MB21D2: variants seen among roughly 807,000 people sequenced by gnomAD.
The protein encoded by MB21D2 is Mab-21 domain containing 2, also known as nucleotidyltransferase MB21D2.
In MB21D2, 9 loss-of-function variants were observed where a neutral mutation model predicts 33.3. That is an observed-to-expected ratio of 0.27 (90% confidence interval 0.16 to 0.47). MB21D2 has a LOEUF of 0.47. Ranked by LOEUF, MB21D2 falls within the 20% of genes least tolerant of loss-of-function variation. The pLI, the probability that MB21D2 is intolerant of heterozygous loss-of-function variation, is 0.99. For synonymous variants in MB21D2, 241 were observed against 236.3 expected (o/e 1.02, Z -0.18); for missense variants, 540 against 624.6 (o/e 0.86, Z 1.44).
chr3:192,813,605 T>A (rs1711839094), intron 1 of MB21D2, among the ~76,000 whole-genome samples: 1 of 152,176 alleles, frequency 6.6e-6, no homozygotes, highest in Admixed American at 6.5e-5. Context: ...AATTACTTGA[T>A]GAACAGCTCT....
intron 1 of MB21D2, 114 bp downstream of exon 1, chr3:192,917,516 C>T: frequency 1.8e-6 from 2 of 1,082,678 alleles, no homozygotes; most frequent in South Asian, 1.5e-5. Flanking sequence ...CCCAAGGCAC[C>T]GGCTCGGGAA....
chr3:192,828,593 TATATATA>T (rs1712232870), intron 1 of MB21D2, among the ~76,000 whole-genome samples: 3 of 13,700 alleles, frequency 2.2e-4, no homozygotes, highest in Non-Finnish European at 9.4e-4. Context: ...ACCCCCCCCA[TATATATA>T]TATATATATA....
chr3:192,798,230 A>T lies in MB21D2; in HGVS notation c.*156T>A. 1 of 750,234 alleles carries T rather than the reference A, an allele frequency of 1.3e-6. No homozygotes were observed. Among genetic ancestry groups the T allele is most frequent in the Non-Finnish European group, 2.1e-6 (1 of 471,622 alleles). 46.5% of individuals were successfully genotyped at this position (750,234 alleles called of 1,614,324 possible). A position where few individuals can be genotyped will look rare whatever the true frequency, so the allele number is the denominator to read the frequency against. On this transcript the variant is annotated 3_prime_UTR_variant, in exon 2 of 2. Coordinates refer to ENST00000392452, the MANE Select transcript of MB21D2 (RefSeq NM_178496.4). The surrounding 1 kb of genome is among the most constrained non-coding windows in gnomAD (Gnocchi z 4.8). ...ATATGAAATAGTAATATACTGTTTC[A>T]GAGCCTGCACCATCCTGCAGAACCA...
chr3:192,823,664 C>A (rs140048534), intron 1 of MB21D2, among the ~76,000 whole-genome samples: 1,544 of 152,034 alleles, frequency 0.01, 15 homozygotes, highest in Non-Finnish European at 0.018. Context: ...TAAAAAAAAA[C>A]ACCCTTCTCC....
intron 1 of MB21D2, among the ~76,000 whole-genome samples, chr3:192,843,529 C>T (rs1712616845): frequency 6.6e-6 from 1 of 152,030 alleles, no homozygotes. Flanking sequence ...GAGGTAGGGA[C>T]ATTTGCTCAT....
intron 1 of MB21D2, among the ~76,000 whole-genome samples, chr3:192,864,566 G>A (rs1713126099): frequency 6.6e-6 from 1 of 152,100 alleles, no homozygotes; most frequent in Admixed American, 6.6e-5. Context: ...AAGTGCAATG[G>A]CACAATCTTG....
chr3:192,840,184 A>G (rs1373081816), intron 1 of MB21D2, among the ~76,000 whole-genome samples: 1 of 152,212 alleles, frequency 6.6e-6, no homozygotes, highest in African/African-American at 2.4e-5. Context: ...CATGAGAGGG[A>G]ACACAAAAAT....
chr3:192,867,601 A>C (rs1295948862), intron 1 of MB21D2, among the ~76,000 whole-genome samples: 1 of 152,150 alleles, frequency 6.6e-6, no homozygotes, highest in Non-Finnish European at 1.5e-5. Context: ...CTCAGGCCTC[A>C]AGTTTTTCAT....
chr3:192,817,979 C>T (rs1711963942), intron 1 of MB21D2, among the ~76,000 whole-genome samples: 1 of 150,020 alleles, frequency 6.7e-6, no homozygotes, highest in Non-Finnish European at 1.5e-5. Context: ...TATGCTAGTC[C>T]CCCAAATATG....
At chr3:192,903,606 C>T (rs529978849) in intron 1 of MB21D2, among the ~76,000 whole-genome samples, 23 of 152,274 alleles carry the variant, frequency 1.5e-4, no homozygotes, top group African/African-American at 4.8e-4. Flanking sequence ...GATTTCTCAT[C>T]AGTAAAATAA....
rs57320648 is a variant in MB21D2 at position 192,870,699 on chromosome 3, G to GA, written c.211+46930dup. 4.1e-3 allele frequency among the ~76,000 whole-genome samples: 170 copies of GA among 41,594 alleles called. 1 individual carries two copies. Among genetic ancestry groups the GA allele is most frequent in the Middle Eastern group, 0.091 (2 of 22 alleles). The allele number at this position is 41,594 out of a possible 152,430, so 27.3% of individuals were successfully genotyped here. ...GCACTCCAGCCTGGGCGACTCCGTT[G>GA]AAAAAAAAAAAAAAAAAAAAGGAAG... On this transcript the variant is annotated intron_variant, in intron 1 of 1. Coordinates refer to ENST00000392452, the MANE Select transcript of MB21D2 (RefSeq NM_178496.4).
At chr3:192,830,902 T>C (rs1326586646) in intron 1 of MB21D2, among the ~76,000 whole-genome samples, 1 of 152,210 alleles carries the variant, frequency 6.6e-6, no homozygotes, top group Non-Finnish European at 1.5e-5. Flanking sequence ...TTTCCATGTA[T>C]TCAATTTAAG....
intron 1 of MB21D2, among the ~76,000 whole-genome samples, chr3:192,883,455 T>C (rs1178122808): frequency 1.3e-5 from 2 of 152,036 alleles, no homozygotes; most frequent in Non-Finnish European, 2.9e-5. Context: ...AGGTTAAAAA[T>C]GGTAGTGTGG....
intron 1 of MB21D2, among the ~76,000 whole-genome samples, chr3:192,871,407 A>T (rs1459919785): frequency 1.3e-5 from 2 of 152,222 alleles, no homozygotes; most frequent in Non-Finnish European, 2.9e-5. Context: ...TTGAGCATTT[A>T]CTGTTTACCC....
Position 192,823,096 on chromosome 3 carries a change from G to A in MB21D2, c.212-23446C>T, listed in dbSNP as rs534957769. Reference sequence around the variant, plus strand: ...TAAGCCAGTATAATATTCATTTAAAGTTAAATCTACCTTTTAAATACACAT... The same window carrying A: ...TAAGCCAGTATAATATTCATTTAAAATTAAATCTACCTTTTAAATACACAT... On this transcript the variant is annotated intron_variant, in intron 1 of 1. Coordinates refer to ENST00000392452, the MANE Select transcript of MB21D2 (RefSeq NM_178496.4). 1.3e-4 allele frequency among the ~76,000 whole-genome samples: 20 copies of A among 152,280 alleles called. No homozygotes were observed. In the South Asian group the frequency reaches 4.1e-3, roughly 32 times the overall value.
chr3:192,914,636 C>T (rs1438020916), intron 1 of MB21D2, among the ~76,000 whole-genome samples: 1 of 151,782 alleles, frequency 6.6e-6, no homozygotes, highest in Non-Finnish European at 1.5e-5. Flanking sequence ...ATAATAACAC[C>T]AATCATTCTC....
At chr3:192,841,695 C>T (rs1264470010) in intron 1 of MB21D2, among the ~76,000 whole-genome samples, 5 of 152,190 alleles carry the variant, frequency 3.3e-5, no homozygotes, top group East Asian at 3.8e-4. Context: ...TCCTGACCCT[C>T]GGAAACTATG....
intron 1 of MB21D2, among the ~76,000 whole-genome samples, chr3:192,834,450 GAAA>G (rs1712390518): frequency 7.0e-6 from 1 of 143,382 alleles, no homozygotes; most frequent in African/African-American, 2.6e-5. Flanking sequence ...GAAGAAGAAA[GAAA>G]AAAGACAAAA....
chr3:192,830,228 ATGAGTGTGTG>A (rs1045863003), intron 1 of MB21D2, among the ~76,000 whole-genome samples: 37 of 122,714 alleles, frequency 3.0e-4, no homozygotes, highest in Non-Finnish European at 4.9e-4. Flanking sequence ...TGCTTCAAAG[ATGAGTGTGTG>A]TGAGTGTGTG....
Sources: gnomAD v4.1 joint callset for allele counts (sites outside exome capture counted in the v4.1 genomes callset) on GRCh38, gnomAD v4.1.1 for gene constraint, Gnocchi (gnomAD v3.1) non-coding constraint, MANE v1.5 for transcripts, NCBI Gene and HGNC (gene_info 2026-07-23, HGNC 2026-07-21) for gene names.